Variants in MECOM observed in about 807,000 individuals in gnomAD.
MECOM encodes histone-lysine N-methyltransferase MECOM.
Under a neutral mutation model 116.3 loss-of-function variants are expected in MECOM, and 13 were observed. That is an observed-to-expected ratio of 0.11 (90% CI 0.07 to 0.18). The LOEUF is 0.18. Ranked by LOEUF, MECOM falls within the 10% of genes least tolerant of loss-of-function variation. MECOM has a pLI of 1.00. For synonymous variants in MECOM, 528 were observed against 535.2 expected (o/e 0.99, Z 0.19); for missense variants, 1,299 against 1,509.0 (o/e 0.86, Z 2.31).
At chr3:169,579,252 G>T (rs1334523793) in intron 1 of MECOM, among the ~76,000 whole-genome samples, 1 of 152,162 alleles carries the variant, frequency 6.6e-6, no homozygotes, top group Admixed American at 6.6e-5. Flanking sequence ...TACTTGAGCT[G>T]CAAGGGTCTA....
chr3:169,356,033 C>T (rs1311865532), intron 2 of MECOM, among the ~76,000 whole-genome samples: 1 of 151,756 alleles, frequency 6.6e-6, no homozygotes, highest in African/African-American at 2.4e-5. Flanking sequence ...TTTCATTTTC[C>T]ATGCCTAAGC....
At chr3:169,173,117 A>G (rs986707779) in intron 2 of MECOM, among the ~76,000 whole-genome samples, 2 of 152,220 alleles carry the variant, frequency 1.3e-5, no homozygotes, top group Admixed American at 1.3e-4. Context: ...GAGCTTAAGA[A>G]CAAATATAAA....
At chr3:169,595,116 A>G (rs986854549) in intron 1 of MECOM, among the ~76,000 whole-genome samples, 3 of 152,180 alleles carry the variant, frequency 2.0e-5, no homozygotes, top group African/African-American at 7.2e-5. Context: ...ATCAGTGATT[A>G]AAGAAATGCT....
intron 1 of MECOM, among the ~76,000 whole-genome samples, chr3:169,528,467 A>G (rs1758204345): frequency 6.6e-6 from 1 of 152,254 alleles, no homozygotes; most frequent in African/African-American, 2.4e-5. Context: ...GATAATAAAT[A>G]ACTCACATTT....
chr3:169,091,433 A>C (rs2148861064), intron 14 of MECOM, among the ~76,000 whole-genome samples: 1 of 152,262 alleles, frequency 6.6e-6, no homozygotes, highest in African/African-American at 2.4e-5. Flanking sequence ...ATACAGGCTC[A>C]CAAATCGCCA....
At chr3:169,461,507 C>A (rs1219449824) in intron 1 of MECOM, among the ~76,000 whole-genome samples, 1 of 152,020 alleles carries the variant, frequency 6.6e-6, no homozygotes, top group Non-Finnish European at 1.5e-5. Flanking sequence ...TTTAAGTTTT[C>A]AGAGATTTGG....
At chr3:169,249,681 AT>A (rs1462872646) in intron 2 of MECOM, among the ~76,000 whole-genome samples, 1 of 152,220 alleles carries the variant, frequency 6.6e-6, no homozygotes, top group Non-Finnish European at 1.5e-5. Flanking sequence ...GAGCAATAAC[AT>A]TTTGGGCACA....
intron 2 of MECOM, among the ~76,000 whole-genome samples, chr3:169,177,894 G>A (rs1269059477): frequency 1.3e-5 from 2 of 151,520 alleles, no homozygotes; most frequent in African/African-American, 2.4e-5. Flanking sequence ...ACTCCAGCCT[G>A]GGCGACAAGA....
chr3:169,391,243 A>G (rs1175117372), intron 1 of MECOM, among the ~76,000 whole-genome samples: 1 of 152,180 alleles, frequency 6.6e-6, no homozygotes, highest in Non-Finnish European at 1.5e-5. Flanking sequence ...TAGAGTCTCA[A>G]AATGTTTTAT....
At chr3:169,217,431 A>C (rs913342556) in intron 2 of MECOM, among the ~76,000 whole-genome samples, 1 of 152,192 alleles carries the variant, frequency 6.6e-6, no homozygotes, top group Non-Finnish European at 1.5e-5. Context: ...AATATTTAGC[A>C]TTTTCGTAAA....
At chr3:169,212,684 A>ATATATATATG (rs1559999989) in intron 2 of MECOM, among the ~76,000 whole-genome samples, 1 of 127,310 alleles carries the variant, frequency 7.9e-6, no homozygotes, top group Non-Finnish European at 1.6e-5. Context: ...ATATATATAT[A>ATATATATATG]TGCAACAAAA....
chr3:169,225,298 T>C (rs997479482), intron 2 of MECOM, among the ~76,000 whole-genome samples: 1 of 152,192 alleles, frequency 6.6e-6, no homozygotes, highest in African/African-American at 2.4e-5. Flanking sequence ...TAAGAACTAA[T>C]GTTAGTTAAG....
intron 2 of MECOM, among the ~76,000 whole-genome samples, chr3:169,251,710 A>T (rs1223016934): frequency 6.6e-6 from 1 of 152,120 alleles, no homozygotes; most frequent in African/African-American, 2.4e-5. Context: ...CACTACAGAG[A>T]GACTTGGAAC....
At chr3:169,192,567 T>C (rs760358060) in intron 2 of MECOM, among the ~76,000 whole-genome samples, 3 of 152,084 alleles carry the variant, frequency 2.0e-5, no homozygotes, top group South Asian at 2.1e-4. Flanking sequence ...CTTCTTTTTG[T>C]TTTTAAATTG....
intron 1 of MECOM, among the ~76,000 whole-genome samples, chr3:169,442,235 A>G (rs953640866): frequency 1.3e-5 from 2 of 151,958 alleles, no homozygotes; most frequent in East Asian, 3.9e-4. Flanking sequence ...CAATTTTTGT[A>G]TTTTTAGTAG....
chr3:169,654,126 C>A (rs1472737192), intron 1 of MECOM, among the ~76,000 whole-genome samples: 2 of 152,202 alleles, frequency 1.3e-5, no homozygotes. Flanking sequence ...TATTCACTGA[C>A]AAGTCCCATG....
intron 2 of MECOM, among the ~76,000 whole-genome samples, chr3:169,330,103 G>A (rs778806855): frequency 2.3e-4 from 35 of 152,140 alleles, no homozygotes; most frequent in Non-Finnish European, 4.7e-4. Context: ...GCAGCTCTCT[G>A]TAGCCTTGAC....
chr3:169,586,301 A>T (rs1274337481), intron 1 of MECOM, among the ~76,000 whole-genome samples: 1 of 152,224 alleles, frequency 6.6e-6, no homozygotes, highest in East Asian at 1.9e-4. Context: ...TCAAATTTCC[A>T]TCTTTACTTT....
intron 1 of MECOM, among the ~76,000 whole-genome samples, chr3:169,563,706 C>G (rs537087240): frequency 1.3e-5 from 2 of 152,132 alleles, no homozygotes; most frequent in Non-Finnish European, 1.5e-5. Context: ...CAGGACACTA[C>G]GCGGACATCA....
Sources: gnomAD v4.1 joint callset for allele counts (sites outside exome capture counted in the v4.1 genomes callset) on GRCh38, gnomAD v4.1.1 for gene constraint, MANE v1.5 for transcripts, NCBI Gene and HGNC (gene_info 2026-07-23, HGNC 2026-07-21) for gene names.